TECPR2: variants seen among roughly 807,000 people sequenced by gnomAD.
The protein encoded by TECPR2 is tectonin beta-propeller repeat containing 2.
In TECPR2, 65 loss-of-function variants were observed where a neutral mutation model predicts 138.1. That is an observed-to-expected ratio of 0.47 (90% CI 0.39 to 0.58). The LOEUF is 0.58. Ranked by LOEUF, TECPR2 falls within the 20% of genes least tolerant of loss-of-function variation. TECPR2 has a pLI of 0.00. For synonymous variants in TECPR2, 746 were observed against 749.8 expected (o/e 0.99, Z 0.08); for missense variants, 1,553 against 1,824.5 (o/e 0.85, Z 2.71).
chr14:102,398,084 A>G (rs538602650), intron 2 of TECPR2, among the ~76,000 whole-genome samples: 2 of 150,644 alleles, frequency 1.3e-5, no homozygotes, highest in South Asian at 2.1e-4. Context: ...AAAAAAAAAA[A>G]AAAAAAAGAA....
intron 16 of TECPR2, among the ~76,000 whole-genome samples, chr14:102,459,140 A>G (rs1433694779): frequency 1.3e-5 from 2 of 152,026 alleles, no homozygotes; most frequent in Non-Finnish European, 2.9e-5. Flanking sequence ...TATGTTGCCT[A>G]GGCTGGTCTC....
At chr14:102,370,197 G>A (rs576892016) in intron 1 of TECPR2, among the ~76,000 whole-genome samples, 118 of 152,032 alleles carry the variant, frequency 7.8e-4, no homozygotes, top group Non-Finnish European at 1.3e-3. Context: ...TCAGCCTCCT[G>A]AGTAGCTGAG....
At chr14:102,472,602 A>G (rs922696859) in intron 17 of TECPR2, among the ~76,000 whole-genome samples, 7 of 152,214 alleles carry the variant, frequency 4.6e-5, no homozygotes, top group African/African-American at 1.7e-4. Context: ...GATTCTGTAG[A>G]TACAAAATGC....
chr14:102,417,416 T>C (rs1889055436), intron 5 of TECPR2, among the ~76,000 whole-genome samples: 1 of 152,046 alleles, frequency 6.6e-6, no homozygotes, highest in Non-Finnish European at 1.5e-5. Context: ...TCAAACACAA[T>C]GAGAGAGACT....
chr14:102,456,590 C>CTTT (rs532308547), intron 16 of TECPR2, among the ~76,000 whole-genome samples: 4 of 138,168 alleles, frequency 2.9e-5, no homozygotes, highest in Admixed American at 7.4e-5. Context: ...CCCTCTCGCT[C>CTTT]TTTTTTTTTT....
intron 2 of TECPR2, among the ~76,000 whole-genome samples, chr14:102,392,949 G>C (rs1437258654): frequency 6.6e-6 from 1 of 152,184 alleles, no homozygotes; most frequent in African/African-American, 2.4e-5. Flanking sequence ...ATCAATGCTT[G>C]AGATAAGACA....
rs551337818 is a variant in TECPR2 at position 102,422,979 on chromosome 14, C to T, written c.639-2000C>T. Among the ~76,000 whole-genome samples, 16 of 152,330 alleles carry T rather than the reference C, an allele frequency of 1.1e-4. 1 individual carries two copies. The highest frequency in any genetic ancestry group is 3.3e-4 in the Admixed American group (5 of 15,296). ...GCTGGTGTCTTAGCGCCACACATTA[C>T]GTGTTCTGTTTTTAGATAGACAAAC... On this transcript the variant is annotated intron_variant, in intron 5 of 19. Coordinates refer to ENST00000359520, the MANE Select transcript of TECPR2 (RefSeq NM_014844.5).
At chr14:102,451,736 G>A (rs77846546) in intron 15 of TECPR2, among the ~76,000 whole-genome samples, 1,588 of 152,208 alleles carry the variant, frequency 0.01, 31 homozygotes, top group African/African-American at 0.036. Context: ...TTCATATAAC[G>A]TACTGTGACC....
At chr14:102,425,821 G>A (rs1013982584) in intron 6 of TECPR2, among the ~76,000 whole-genome samples, 34 of 149,368 alleles carry the variant, frequency 2.3e-4, no homozygotes, top group African/African-American at 6.4e-4. Flanking sequence ...TGATCTGCCC[G>A]CCTTGGCCTC....
chr14:102,497,662 A>C lies in TECPR2; in HGVS notation c.4024A>C (p.Lys1342Gln), dbSNP rs1355978158. ...CGCCCGGCGGTACGGCGTCACAGAC[A>C]AGAACCCCGCCGGGGACTACTGGAA... ...DLARRYGVTD[K>Q]NPAGDYWKKI... Residue 1342 changes from lysine (K) to glutamine (Q), a missense_variant, in exon 19 of 20, where the codon AAG becomes CAG. Physicochemically the swap from Lys to Gln is moderately conservative, Grantham distance 53. Coordinates refer to ENST00000359520, the MANE Select transcript of TECPR2 (RefSeq NM_014844.5). 6.2e-7 allele frequency: 1 copy of C among 1,608,874 alleles called. No individual in the cohort carries two copies. Among genetic ancestry groups the C allele is most frequent in the Admixed American group, 1.7e-5 (1 of 59,584 alleles).
intron 2 of TECPR2, among the ~76,000 whole-genome samples, chr14:102,400,756 A>T (rs1320769924): frequency 6.6e-6 from 1 of 152,278 alleles, no homozygotes; most frequent in East Asian, 1.9e-4. Context: ...ATGACAAGCC[A>T]GGCGCGGTGG....
chr14:102,399,078 C>T (rs1380390900), intron 2 of TECPR2, among the ~76,000 whole-genome samples: 1 of 152,132 alleles, frequency 6.6e-6, no homozygotes, highest in African/African-American at 2.4e-5. Flanking sequence ...GCCTGGCCAA[C>T]ATGGCGAAAC....
intron 16 of TECPR2, among the ~76,000 whole-genome samples, chr14:102,461,377 C>T (rs1039566477): frequency 1.3e-5 from 2 of 151,918 alleles, no homozygotes; most frequent in Non-Finnish European, 2.9e-5. Flanking sequence ...GATTGTGTTA[C>T]GCAGTAATTT....
Position 102,437,938 on chromosome 14 carries a change from T to C in TECPR2, c.2395-84T>C, listed in dbSNP as rs569748099. On this transcript the variant is annotated intron_variant, in intron 9 of 19. Transcript: ENST00000359520. ...GTTTTACCGTCTCGTGTTAATGATA[T>C]CCTCTCACCTTTCTTACTGAGAACA... 10 of 1,468,902 alleles carry C rather than the reference T, an allele frequency of 6.8e-6. No individual in the cohort carries two copies. In the East Asian group the frequency reaches 1.9e-4, roughly 27 times the overall value. The allele number at this position is 1,468,902 out of a possible 1,614,324, so 91.0% of individuals were successfully genotyped here. A position where few individuals can be genotyped will look rare whatever the true frequency, so the allele number is the denominator to read the frequency against.
intron 16 of TECPR2, among the ~76,000 whole-genome samples, chr14:102,456,017 G>T (rs1890269244): frequency 6.6e-6 from 1 of 152,090 alleles, no homozygotes; most frequent in African/African-American, 2.4e-5. Context: ...TCCTCCCAAC[G>T]TGCTGGGATT....
chr14:102,495,805 C>T (rs951847040), intron 17 of TECPR2, among the ~76,000 whole-genome samples: 3 of 152,208 alleles, frequency 2.0e-5, no homozygotes, highest in Non-Finnish European at 4.4e-5. Flanking sequence ...GCATTTCATA[C>T]ATGCGTTCAT....
At chr14:102,494,970 T>A (rs993075172) in intron 17 of TECPR2, among the ~76,000 whole-genome samples, 1 of 152,180 alleles carries the variant, frequency 6.6e-6, no homozygotes, top group Non-Finnish European at 1.5e-5. Context: ...CTCAGCACTT[T>A]GGGAGGCCAA....
chr14:102,431,541 ACT>A (rs1229632805), intron 7 of TECPR2, among the ~76,000 whole-genome samples: 37 of 151,996 alleles, frequency 2.4e-4, no homozygotes, highest in Non-Finnish European at 4.6e-4. Flanking sequence ...ACGGGGTTTC[ACT>A]GTGTTAGCCA....
intron 3 of TECPR2, among the ~76,000 whole-genome samples, chr14:102,407,838 A>C (rs1191827633): frequency 6.6e-6 from 1 of 152,176 alleles, no homozygotes; most frequent in African/African-American, 2.4e-5. Flanking sequence ...CTACTAAAAA[A>C]TACAAAAAAT....
Sources: gnomAD v4.1 joint callset for allele counts (sites outside exome capture counted in the v4.1 genomes callset) on GRCh38, gnomAD v4.1.1 for gene constraint, MANE v1.5 for transcripts, NCBI Gene and HGNC (gene_info 2026-07-23, HGNC 2026-07-21) for gene names.